The following NCSTN variants were observed in gnomAD, a reference collection of about 807,000 sequenced individuals.
The protein encoded by NCSTN is nicastrin, also known as anterior pharynx-defective 2.
A neutral mutation model predicts 87.0 loss-of-function variants in NCSTN; 22 were observed. The ratio of observed to expected loss-of-function variants is 0.25; its 90% CI spans 0.18 to 0.36. The LOEUF (loss-of-function observed/expected upper bound fraction) is 0.36. Among genes scored for constraint, NCSTN ranks in the 10% least tolerant of loss-of-function variants. The pLI is 1.00. For synonymous variants in NCSTN, 306 were observed against 327.1 expected (o/e 0.94, Z 0.69); for missense variants, 693 against 883.3 (o/e 0.78, Z 2.73).
At chr1:160,355,004 G>T (rs890389729) in intron 11 of NCSTN, among the ~76,000 whole-genome samples, 1 of 152,314 alleles carries the variant, frequency 6.6e-6, no homozygotes, top group East Asian at 1.9e-4. Flanking sequence ...AGGGTCAGCT[G>T]TCTTCTCTAA....
At chr1:160,351,177 C>T (rs1485780263) in intron 5 of NCSTN, 45 bp from the exon 6 acceptor site, 8 of 1,608,388 alleles carry the variant, frequency 5.0e-6, no homozygotes, top group African/African-American at 1.3e-5. Context: ...TAAGGGAGGG[C>T]CTCCACAAAC....
chr1:160,349,140 C>G lies in NCSTN; in HGVS notation c.314+18C>G, dbSNP rs1219256201. On this transcript the variant is annotated intron_variant, in intron 3 of 16. Coordinates refer to ENST00000294785, the MANE Select transcript of NCSTN (RefSeq NM_015331.3). Reference sequence around the variant, plus strand: ...TTTACCAGGTAAGAACTAGATGTATCTGCTGGGAAAACATCCATAGAGGGA... The same window carrying G: ...TTTACCAGGTAAGAACTAGATGTATGTGCTGGGAAAACATCCATAGAGGGA... 6.2e-7 allele frequency: 1 copy of G among 1,613,904 alleles called. No individual in the cohort carries two copies. Among genetic ancestry groups the G allele is most frequent in the African/African-American group, 1.3e-5 (1 of 74,910 alleles).
chr1:160,354,753 C>T (rs942274787), intron 11 of NCSTN, among the ~76,000 whole-genome samples: 3 of 152,106 alleles, frequency 2.0e-5, no homozygotes, highest in South Asian at 2.1e-4. Flanking sequence ...TGGTTCAGTG[C>T]GAGGGTAAAA....
At chr1:160,349,416 A>G (rs978250455) in intron 3 of NCSTN, 133 bp from the exon 4 acceptor site, 16 of 1,296,148 alleles carry the variant, frequency 1.2e-5, no homozygotes, top group Non-Finnish European at 1.7e-5. Flanking sequence ...CTCAGAATTT[A>G]GAGACTGAAA....
At chr1:160,345,141 A>C (rs12081497) in intron 2 of NCSTN, 43,910 of 429,090 alleles carry the variant, frequency 0.1, 5,465 homozygotes, top group African/African-American at 0.43. Flanking sequence ...TCCCAAGATC[A>C]TACTGGTAAT....
At chr1:160,354,371 C>T (rs1168900711) in intron 11 of NCSTN, 81 bp downstream of exon 11, 21 of 1,458,058 alleles carry the variant, frequency 1.4e-5, no homozygotes, top group African/African-American at 7.0e-5. Flanking sequence ...CACTGCCCTC[C>T]GCTTTCCCAC....
chr1:160,354,298 T>A lies in NCSTN; in HGVS notation c.1352+8T>A. The A allele has an allele frequency of 6.2e-7, 1 of 1,614,004 alleles. No homozygotes were observed. The highest frequency in any genetic ancestry group is 8.5e-7 in the Non-Finnish European group (1 of 1,179,892). The stretch of plus-strand genomic sequence containing the variant: ...TGGTGCCTTCCATAACAAGTAAGAA[T>A]CACTTGGCCCTGCACCCTCTTCATT... On this transcript the variant is annotated splice_region_variant and intron_variant, in intron 11 of 16. Coordinates refer to ENST00000294785, the MANE Select transcript of NCSTN (RefSeq NM_015331.3).
intron 10 of NCSTN, among the ~76,000 whole-genome samples, chr1:160,353,893 G>A (rs1244941522): frequency 2.7e-5 from 4 of 150,898 alleles, no homozygotes; most frequent in Non-Finnish European, 5.9e-5. Context: ...TGAAAAAAAA[G>A]GTCTCTTCTT....
Position 160,343,417 on chromosome 1 carries a change from C to T in NCSTN, c.21C>T (p.Gly7=), listed in dbSNP as rs1415017171. The change falls in exon 1 of 17, where the codon GGC becomes GGT. Residue 7 remains glycine, a synonymous_variant. Coordinates refer to ENST00000294785, the MANE Select transcript of NCSTN (RefSeq NM_015331.3). MATAGG[G]SGADPGSRGL... ...GCAAGATGGCTACGGCAGGGGGTGG[C>T]TCTGGGGCTGACCCGGGAAGTCGGG... is the stretch of plus-strand genomic sequence containing the variant. 1 of 1,612,852 alleles carries T rather than the reference C, an allele frequency of 6.2e-7. No homozygotes were observed. Among genetic ancestry groups the T allele is most frequent in the South Asian group, 1.1e-5 (1 of 90,742 alleles).
rs374900399 is a variant in NCSTN, at chr1:160,356,607, G to T, written c.1647G>T (p.Gly549=). The T allele has an allele frequency of 6.2e-7, 1 of 1,614,002 alleles. No individual in the cohort carries two copies. The highest frequency in any genetic ancestry group is 1.3e-5 in the African/African-American group (1 of 74,884). The change falls in exon 15 of 17, where the codon GGG becomes GGT. Residue 549 remains glycine, a synonymous_variant. Transcript: ENST00000294785. ...CCTTTGGTCTGCACTCAGGTGACGG[G>T]CCTCTTCAACATTACATCGCTGTCT... ...RQDLRSYLGD[G]PLQHYIAVSS...
chr1:160,345,938 G>GGA (rs368554871), intron 2 of NCSTN, among the ~76,000 whole-genome samples: 4 of 59,790 alleles, frequency 6.7e-5, no homozygotes, highest in Non-Finnish European at 8.9e-5. Context: ...GACACTGTCT[G>GGA]AAAAAAAAAA....
At position 160,350,215 on chromosome 1, in the gene NCSTN, C is replaced by T. The variant is rs777091695; in HGVS notation, c.547C>T (p.Leu183Phe). 7.4e-6 allele frequency: 12 copies of T among 1,613,988 alleles called. No individual in the cohort carries two copies. The highest frequency in any genetic ancestry group is 9.3e-6 in the Non-Finnish European group (11 of 1,179,994). Residue 183 changes from leucine to phenylalanine, a missense_variant, in exon 5 of 17, where the codon CTT becomes TTT. By Grantham distance (22) the Leu-to-Phe change is conservative. Transcript: ENST00000294785. ...YEDFSFPIFL[L>F]EDENETKVIK... The stretch of plus-strand genomic sequence containing the variant: ...AGACTTTAGTTTCCCCATCTTTCTT[C>T]TTGAAGATGAAAATGAAACCAAAGT...
At chr1:160,356,497 C>T in intron 14 of NCSTN, 103 bp from the exon 15 acceptor site, 2 of 1,501,088 alleles carry the variant, frequency 1.3e-6, no homozygotes, top group Non-Finnish European at 1.9e-6. Flanking sequence ...TTGATGGATC[C>T]TTTTCCATTG....
chr1:160,358,504 A>G lies in NCSTN; in HGVS notation c.*233A>G, dbSNP rs1649246579. On this transcript the variant is annotated 3_prime_UTR_variant, in exon 17 of 17. Coordinates refer to ENST00000294785, the MANE Select transcript of NCSTN (RefSeq NM_015331.3). ...CCCATTTCCTCTTCCTTCTCTACTC[A>G]TGCCAGATTTTGGGATTACAAATAG... 2 of 575,208 alleles carry G rather than the reference A, an allele frequency of 3.5e-6. No individual in the cohort carries two copies. The highest frequency in any genetic ancestry group is 3.1e-6 in the Non-Finnish European group (1 of 325,036). The allele number at this position is 575,208 out of a possible 1,614,324, so 35.6% of individuals were successfully genotyped here. A position where few individuals can be genotyped will look rare whatever the true frequency, so the allele number is the denominator to read the frequency against.
chr1:160,357,999 C>A, intron 16 of NCSTN, 150 bp from the exon 17 acceptor site: 1 of 974,980 alleles, frequency 1.0e-6, no homozygotes, highest in Non-Finnish European at 1.6e-6. Context: ...AGTCTGTAGG[C>A]TGGAGAGATG....
Position 160,349,529 on chromosome 1 carries a change from G to A in NCSTN, c.315-20G>A, listed in dbSNP as rs372856641. 6.2e-7 allele frequency: 1 copy of A among 1,614,104 alleles called. No individual in the cohort carries two copies. Among genetic ancestry groups the A allele is most frequent in the Non-Finnish European group, 8.5e-7 (1 of 1,180,002 alleles). Reference sequence around the variant, plus strand: ...TGATACCTTCCTGTGTTCCTTCATGGAATTCCTTTCCTATTCCAGGGATTT... The same window carrying A: ...TGATACCTTCCTGTGTTCCTTCATGAAATTCCTTTCCTATTCCAGGGATTT... On this transcript the variant is annotated intron_variant, in intron 3 of 16. Transcript: ENST00000294785.
intron 2 of NCSTN, among the ~76,000 whole-genome samples, chr1:160,345,740 A>G (rs1648443342): frequency 1.3e-5 from 2 of 151,304 alleles, no homozygotes; most frequent in Non-Finnish European, 1.5e-5. Context: ...TTTGAGACCA[A>G]TCTGCCAGCA....
chr1:160,344,360 C>A, intron 1 of NCSTN: 1 of 1,015,598 alleles, frequency 9.8e-7, no homozygotes, highest in Non-Finnish European at 1.4e-6. Flanking sequence ...TGTGTATTAA[C>A]CAATTAGTAA....
At chr1:160,343,673 G>T (rs1477778991) in intron 1 of NCSTN, 192 bp downstream of exon 1, 1 of 721,716 alleles carries the variant, frequency 1.4e-6, no homozygotes, top group East Asian at 2.7e-5. Context: ...CTCCCCCGCA[G>T]CACGTCGTGT....
Sources: gnomAD v4.1 joint callset for allele counts (sites outside exome capture counted in the v4.1 genomes callset) on GRCh38, gnomAD v4.1.1 for gene constraint, MANE v1.5 for transcripts, NCBI Gene and HGNC (gene_info 2026-07-23, HGNC 2026-07-21) for gene names.